The following PCDHA5 variants were observed in gnomAD, a reference collection of about 807,000 sequenced individuals.
The protein encoded by PCDHA5 is protocadherin alpha-5.
PCDHA5 carries 43 observed loss-of-function variants against 61.6 expected under a neutral mutation model. The observed-to-expected ratio is 0.70, with a 90% CI of 0.55 to 0.90. The LOEUF is 0.90. Ranked by LOEUF, PCDHA5 falls within the 40% of genes least tolerant of loss-of-function variation. PCDHA5 has a pLI of 0.00. For synonymous variants in PCDHA5, 627 were observed against 543.9 expected (o/e 1.15, Z -2.13); for missense variants, 1,298 against 1,222.7 (o/e 1.06, Z -0.92).
chr5:140,825,404 A>T (rs1554130224), intron 1 of PCDHA5: 1 of 146,194 alleles, frequency 6.8e-6, no homozygotes, highest in Non-Finnish European at 1.5e-5. Context: ...AATATATTAT[A>T]TATTTTATAT....
In PCDHA5 at chr5:140,855,887, C is replaced by T. The variant is rs2043661726; in HGVS notation, c.2352+31760C>T. 3.0e-6 allele frequency: 3 copies of T among 985,500 alleles called. No individual in the cohort carries two copies. The African/African-American group carries it at 4.9e-5, about 16-fold the overall frequency. The allele number at this position is 985,500 out of a possible 1,614,324, so 61.0% of individuals were successfully genotyped here. A position where few individuals can be genotyped will look rare whatever the true frequency, so the allele number is the denominator to read the frequency against. ...TCGTCCACAAAATAGCTTTTTAGAA[C>T]AAAGGCATCAGCCAGTTTCTCAAGG... On this transcript the variant is annotated intron_variant, in intron 1 of 3. Transcript: ENST00000529859.
rs199941722 is a variant in PCDHA5 at position 140,828,275 on chromosome 5, C to T, written c.2352+4148C>T. Reference sequence around the variant, plus strand: ...GCTGGAGCTGGCGGAGCTGGTGCCGCGCCTGTTCAGGATGGCCTCCAAAGA... The same window carrying T: ...GCTGGAGCTGGCGGAGCTGGTGCCGTGCCTGTTCAGGATGGCCTCCAAAGA... On this transcript the variant is annotated intron_variant, in intron 1 of 3. Transcript: ENST00000529859. The T allele has an allele frequency of 3.1e-6, 5 of 1,614,064 alleles. No homozygotes were observed. The Admixed American group carries it at 6.7e-5, about 22-fold the overall frequency.
chr5:140,973,631 A>G (rs1554235456), intron 1 of PCDHA5, among the ~76,000 whole-genome samples: 1 of 152,210 alleles, frequency 6.6e-6, no homozygotes, highest in African/African-American at 2.4e-5. Flanking sequence ...TGTATCTTGT[A>G]CACATTCTGA....
chr5:140,980,395 G>T (rs182782153), intron 2 of PCDHA5, among the ~76,000 whole-genome samples: 4 of 152,316 alleles, frequency 2.6e-5, no homozygotes, highest in Non-Finnish European at 5.9e-5. Context: ...ACTTTGGGAG[G>T]CCGAGGTGGG....
chr5:140,966,488 C>G (rs1161799910), intron 1 of PCDHA5: 7 of 440,132 alleles, frequency 1.6e-5, no homozygotes, highest in East Asian at 1.1e-4. Context: ...TTTCCCTCCC[C>G]CTGGAGCTGT....
intron 1 of PCDHA5, chr5:140,842,268 A>G (rs1554138931): frequency 2.5e-6 from 4 of 1,610,534 alleles, no homozygotes. Flanking sequence ...GAAAACTTAT[A>G]CAAAATCCTC....
At chr5:140,948,253 A>C (rs782144804) in intron 1 of PCDHA5, among the ~76,000 whole-genome samples, 14 of 151,624 alleles carry the variant, frequency 9.2e-5, no homozygotes, top group Admixed American at 2.6e-4. Flanking sequence ...ATATTTTTAC[A>C]TCTGTGTTCA....
At chr5:141,001,216 G>T (rs938133871) in intron 3 of PCDHA5, among the ~76,000 whole-genome samples, 1 of 152,082 alleles carries the variant, frequency 6.6e-6, no homozygotes, top group Non-Finnish European at 1.5e-5. Context: ...GCTGTATAAG[G>T]ATAGTTACAT....
chr5:140,876,408 G>C (rs781814727), intron 1 of PCDHA5: 1 of 1,613,942 alleles, frequency 6.2e-7, no homozygotes, highest in South Asian at 1.1e-5. Flanking sequence ...ATTTTGAAGA[G>C]AATAATGCCT....
intron 1 of PCDHA5, among the ~76,000 whole-genome samples, chr5:140,838,285 T>A (rs1262712034): frequency 2.0e-5 from 3 of 149,460 alleles, no homozygotes; most frequent in Admixed American, 6.6e-5. Flanking sequence ...TGCTAATTTT[T>A]TTTTTTTTTT....
chr5:140,970,792 C>A (rs1554232742), intron 1 of PCDHA5, among the ~76,000 whole-genome samples: 2 of 152,036 alleles, frequency 1.3e-5, no homozygotes, highest in African/African-American at 4.8e-5. Flanking sequence ...TATGTAATAT[C>A]CATATTGTTA....
At position 140,836,104 on chromosome 5, in the gene PCDHA5, G is replaced by C. The variant is rs2150252946; in HGVS notation, c.2352+11977G>C. The C allele has an allele frequency of 9.3e-6, 15 of 1,613,730 alleles. 1 individual carries two copies. In the South Asian group the frequency reaches 1.4e-4, roughly 15 times the overall value. ...CTGGCGCCTCGGGTGGGTGGCACTG[G>C]TGGCGCAGTGAGAGAGCTTGTGCCG... is the stretch of plus-strand genomic sequence containing the variant. On this transcript the variant is annotated intron_variant, in intron 1 of 3. Transcript: ENST00000529859.
rs2150170634 is a variant in PCDHA5 at position 140,829,586 on chromosome 5, G to A, written c.2352+5459G>A. ...GTCCTACTCGCTGGTGGAGCGGCGG[G>A]TGGGCGAGCGCGCGTTGTCGAGCTA... On this transcript the variant is annotated intron_variant, in intron 1 of 3. Coordinates refer to ENST00000529859, the MANE Select transcript of PCDHA5 (RefSeq NM_018908.3). 10 of 1,612,232 alleles carry A rather than the reference G, an allele frequency of 6.2e-6. No individual in the cohort carries two copies. Among genetic ancestry groups the A allele is most frequent in the Non-Finnish European group, 7.6e-6 (9 of 1,179,786 alleles).
rs1231696084 is a variant in PCDHA5 at position 140,858,276 on chromosome 5, T to C, written c.2352+34149T>C. The C allele has an allele frequency of 3.1e-6, 5 of 1,594,740 alleles. No individual in the cohort carries two copies. The highest frequency in any genetic ancestry group is 4.3e-6 in the Non-Finnish European group (5 of 1,166,444). On this transcript the variant is annotated intron_variant, in intron 1 of 3. Coordinates refer to ENST00000529859, the MANE Select transcript of PCDHA5 (RefSeq NM_018908.3). ...CCCACGCTGGTGTGCTCTAGCGCGGTGGGGAGCTGGTCTTACTCGCAGCAG... is the reference window on the plus strand; with the variant it reads ...CCCACGCTGGTGTGCTCTAGCGCGGCGGGGAGCTGGTCTTACTCGCAGCAG...
intron 1 of PCDHA5, among the ~76,000 whole-genome samples, chr5:140,961,071 G>GT (rs2095588240): frequency 6.6e-6 from 1 of 152,208 alleles, no homozygotes; most frequent in African/African-American, 2.4e-5. Flanking sequence ...GATATCTGGA[G>GT]TATCAAGTAA....
chr5:140,891,970 C>G (rs1554185021), intron 1 of PCDHA5, among the ~76,000 whole-genome samples: 1 of 152,170 alleles, frequency 6.6e-6, no homozygotes, highest in East Asian at 1.9e-4. Flanking sequence ...AGTAAATTTC[C>G]GTTCTCATAA....
At chr5:140,968,283 A>G in intron 1 of PCDHA5, 1 of 1,613,726 alleles carries the variant, frequency 6.2e-7, no homozygotes, top group Non-Finnish European at 8.5e-7. Flanking sequence ...GAGGTGACCT[A>G]CTCCCTTCTG....
At chr5:140,992,486 A>G (rs2097515048) in intron 3 of PCDHA5, among the ~76,000 whole-genome samples, 1 of 152,182 alleles carries the variant, frequency 6.6e-6, no homozygotes, top group Non-Finnish European at 1.5e-5. Flanking sequence ...CCAGAGGCCA[A>G]TCTGTAAGGA....
chr5:140,834,721 C>A (rs2150224932), intron 1 of PCDHA5: 1 of 1,614,220 alleles, frequency 6.2e-7, no homozygotes, highest in South Asian at 1.1e-5. Context: ...GTGGAAAGGC[C>A]GCTGCAGGTT....
Sources: allele counts gnomAD v4.1 joint callset (sites outside exome capture counted in the v4.1 genomes callset), GRCh38; gene constraint gnomAD v4.1.1; transcripts MANE v1.5; gene names NCBI Gene and HGNC (gene_info 2026-07-23, HGNC 2026-07-21).